Variants in ANKRD12 observed in about 807,000 individuals in gnomAD.
The protein encoded by ANKRD12 is ankyrin repeat domain 12, also known as ankyrin repeat domain-containing protein 12.
In ANKRD12, 85 loss-of-function variants were observed where a neutral mutation model predicts 183.4. The ratio of observed to expected loss-of-function variants is 0.46; its 90% CI spans 0.39 to 0.56. The LOEUF is 0.56. Among genes scored for constraint, ANKRD12 ranks in the 20% least tolerant of loss-of-function variants. ANKRD12 has a pLI of 0.00. For synonymous variants in ANKRD12, 914 were observed against 800.2 expected, an observed-to-expected ratio of 1.14 and a Z score of -2.40; for missense variants, 2,405 against 2,357.1, an observed-to-expected ratio of 1.02 and a Z score of -0.42.
intron 8 of ANKRD12, 83 bp downstream of exon 8, chr18:9,222,082 A>AC: frequency 6.7e-7 from 1 of 1,492,546 alleles, no homozygotes; most frequent in Non-Finnish European, 9.1e-7. Context: ...TAATATACAA[A>AC]ATGTTTGAAT....
chr18:9,160,430 A>G (rs2031244991), intron 1 of ANKRD12, among the ~76,000 whole-genome samples: 1 of 150,786 alleles, frequency 6.6e-6, no homozygotes, highest in Non-Finnish European at 1.5e-5. Flanking sequence ...TTTTAAGTAT[A>G]TAATCCAGTG....
chr18:9,232,660 G>T (rs1237776668), intron 8 of ANKRD12, among the ~76,000 whole-genome samples: 2 of 152,166 alleles, frequency 1.3e-5, no homozygotes, highest in African/African-American at 2.4e-5. Flanking sequence ...TCTCTTGCTA[G>T]ACTTGGGAAG....
intron 2 of ANKRD12, among the ~76,000 whole-genome samples, chr18:9,190,930 G>C (rs145291390): frequency 6.6e-6 from 1 of 152,230 alleles, no homozygotes; most frequent in South Asian, 2.1e-4. Flanking sequence ...AACTGAATCT[G>C]CCATATCTCC....
intron 1 of ANKRD12, among the ~76,000 whole-genome samples, chr18:9,154,689 A>G (rs1187918728): frequency 1.3e-5 from 2 of 152,106 alleles, no homozygotes; most frequent in African/African-American, 2.4e-5. Flanking sequence ...TCAAGAGATG[A>G]TGGTGGCTTG....
chr18:9,213,233 T>A (rs1454016311), intron 6 of ANKRD12, among the ~76,000 whole-genome samples: 1 of 151,992 alleles, frequency 6.6e-6, no homozygotes, highest in Non-Finnish European at 1.5e-5. Flanking sequence ...CTGGAATTTA[T>A]GTCTTTATTT....
rs764372872 is a variant in ANKRD12, at chr18:9,254,506, T to C, written c.1239T>C (p.Ser413=). 6.5e-7 allele frequency: 1 copy of C among 1,538,118 alleles called. No individual in the cohort carries two copies. Among genetic ancestry groups the C allele is most frequent in the South Asian group, 1.3e-5 (1 of 78,040 alleles). The stretch of plus-strand genomic sequence containing the variant: ...CCTTCTATCCTAAATCATTTAAAAG[T>C]AAAAAACAAAAGCCATCTAGGGTCT... ...EKAFYPKSFK[S]KKQKPSRVLY... The change falls in exon 9 of 13, where the codon AGT becomes AGC. Residue 413 remains serine, a synonymous_variant. Coordinates refer to ENST00000262126, the MANE Select transcript of ANKRD12 (RefSeq NM_015208.5).
At chr18:9,274,517 T>A (rs2039741184) in intron 10 of ANKRD12, among the ~76,000 whole-genome samples, 1 of 152,146 alleles carries the variant, frequency 6.6e-6, no homozygotes, top group African/African-American at 2.4e-5. Flanking sequence ...AGACAAAAGT[T>A]AGATTGTTGG....
At chr18:9,163,989 C>T (rs2031752546) in intron 1 of ANKRD12, among the ~76,000 whole-genome samples, 1 of 152,154 alleles carries the variant, frequency 6.6e-6, no homozygotes, top group African/African-American at 2.4e-5. Context: ...GGTAATTTGA[C>T]TTTCTCTCTT....
At chr18:9,232,488 G>T (rs1281724005) in intron 8 of ANKRD12, among the ~76,000 whole-genome samples, 1 of 152,184 alleles carries the variant, frequency 6.6e-6, no homozygotes, top group Non-Finnish European at 1.5e-5. Context: ...CTGTTAGTCT[G>T]ATGGTGGTGG....
At position 9,254,595 on chromosome 18, in the gene ANKRD12, G is replaced by C; in HGVS notation, c.1328G>C (p.Cys443Ser). 1.9e-6 allele frequency: 3 copies of C among 1,582,408 alleles called. No homozygotes were observed. The highest frequency in any genetic ancestry group is 1.7e-6 in the Non-Finnish European group (2 of 1,168,598). ...ALQNKKISTSCSVIPETSNSD... is the reference protein window; with the variant it reads ...ALQNKKISTSSSVIPETSNSD... Reference sequence around the variant, plus strand: ...CAGAATAAAAAGATTTCTACTTCATGTTCCGTCATCCCTGAAACATCAAAT... The same window carrying C: ...CAGAATAAAAAGATTTCTACTTCATCTTCCGTCATCCCTGAAACATCAAAT... Residue 443 changes from cysteine (C) to serine (S), a missense_variant, in exon 9 of 13, where the codon TGT becomes TCT. Transcript: ENST00000262126.
At chr18:9,160,300 A>G (rs1006489223) in intron 1 of ANKRD12, among the ~76,000 whole-genome samples, 60 of 152,152 alleles carry the variant, frequency 3.9e-4, no homozygotes, top group African/African-American at 1.4e-3. Flanking sequence ...CAATTTTTTT[A>G]GAGATGGGTT....
chr18:9,212,616 A>G (rs1370238340), intron 6 of ANKRD12, among the ~76,000 whole-genome samples: 1 of 151,948 alleles, frequency 6.6e-6, no homozygotes, highest in Non-Finnish European at 1.5e-5. Flanking sequence ...TTATGGAAGT[A>G]TTTCAGTAGA....
rs28619483 is a variant in ANKRD12, at chr18:9,281,325, T to A, written c.*199T>A. 0.071 allele frequency: 31,759 copies of A among 448,644 alleles called. 1,255 individuals carry two copies. The highest frequency in any genetic ancestry group is 0.079 in the Non-Finnish European group (20,408 of 258,870). 27.8% of individuals were successfully genotyped at this position (448,644 alleles called of 1,614,324 possible). On this transcript the variant is annotated 3_prime_UTR_variant, in exon 13 of 13. Transcript: ENST00000262126. Reference sequence around the variant, plus strand: ...TCTTAGATCCAAACACAGTTTCTAATAGAAAACTATTATTTATATTGGGAA... The same window carrying A: ...TCTTAGATCCAAACACAGTTTCTAAAAGAAAACTATTATTTATATTGGGAA...
chr18:9,270,831 C>T (rs1216989644), intron 10 of ANKRD12, among the ~76,000 whole-genome samples: 2 of 152,162 alleles, frequency 1.3e-5, no homozygotes, highest in East Asian at 1.9e-4. Context: ...AATGATACAT[C>T]TTACTCGTAT....
At chr18:9,160,751 T>C (rs2031297865) in intron 1 of ANKRD12, among the ~76,000 whole-genome samples, 1 of 152,188 alleles carries the variant, frequency 6.6e-6, no homozygotes, top group African/African-American at 2.4e-5. Flanking sequence ...CTTATTAAAT[T>C]TGAGAGTAAA....
intron 1 of ANKRD12, among the ~76,000 whole-genome samples, chr18:9,170,606 C>T (rs908314906): frequency 1.2e-4 from 18 of 152,210 alleles, no homozygotes; most frequent in East Asian, 1.9e-4. Flanking sequence ...GTTATCCATT[C>T]GTCAATTTTT....
intron 3 of ANKRD12, among the ~76,000 whole-genome samples, chr18:9,196,376 A>G (rs2034824281): frequency 2.0e-5 from 3 of 152,342 alleles, no homozygotes; most frequent in Non-Finnish European, 4.4e-5. Context: ...GTTGTGTTTT[A>G]GCCCTGAACT....
At chr18:9,161,409 T>C (rs1466630260) in intron 1 of ANKRD12, among the ~76,000 whole-genome samples, 3 of 151,920 alleles carry the variant, frequency 2.0e-5, no homozygotes, top group Non-Finnish European at 4.4e-5. Context: ...AGAGTCTCGC[T>C]CTGTCACCCA....
intron 3 of ANKRD12, among the ~76,000 whole-genome samples, chr18:9,198,116 T>C (rs1442079514): frequency 6.6e-6 from 1 of 152,220 alleles, no homozygotes; most frequent in African/African-American, 2.4e-5. Context: ...ATATCTGACA[T>C]TGATCTTTTT....
Sources: gnomAD v4.1 joint callset for allele counts (sites outside exome capture counted in the v4.1 genomes callset) on GRCh38, gnomAD v4.1.1 for gene constraint, MANE v1.5 for transcripts, NCBI Gene and HGNC (gene_info 2026-07-23, HGNC 2026-07-21) for gene names.